The following RSRC1 variants were observed in gnomAD, a reference collection of about 807,000 sequenced individuals.
RSRC1 encodes arginine and serine rich coiled-coil 1, also known as serine/Arginine-related protein 53.
A neutral mutation model predicts 49.1 loss-of-function variants in RSRC1; 39 were observed. The ratio of observed to expected loss-of-function variants is 0.79; its 90% CI spans 0.61 to 1.04. The LOEUF is 1.04. Ranked by LOEUF, RSRC1 falls within the 50% of genes least tolerant of loss-of-function variation. RSRC1 has a pLI of 0.00. For missense variants in RSRC1, 388 were observed against 402.4 expected (o/e 0.96, Z 0.31); for synonymous variants, 143 against 130.8 (o/e 1.09, Z -0.63).
At chr3:158,480,082 T>C (rs1738547597) in intron 7 of RSRC1, among the ~76,000 whole-genome samples, 2 of 151,962 alleles carry the variant, frequency 1.3e-5, no homozygotes, top group Non-Finnish European at 2.9e-5. Flanking sequence ...GAAAACTACA[T>C]GGGGATGAAA....
chr3:158,183,814 G>C (rs1404409899), intron 3 of RSRC1, among the ~76,000 whole-genome samples: 2 of 152,004 alleles, frequency 1.3e-5, no homozygotes, highest in African/African-American at 4.8e-5. Flanking sequence ...TACTCGGGGG[G>C]CTGATGGGGG....
At position 158,191,772 on chromosome 3, in the gene RSRC1, A is replaced by G. The variant is rs1042192962; in HGVS notation, c.321-11300A>G. On this transcript the variant is annotated intron_variant, in intron 3 of 9. Coordinates refer to ENST00000611884, the MANE Select transcript of RSRC1 (RefSeq NM_001271838.2). ...GACAAATAACATCTTAAATTTTAAT[A>G]TAGTTTCTTTGGCTTTTTGTTTGTT... is the stretch of plus-strand genomic sequence containing the variant. 4.6e-5 allele frequency among the ~76,000 whole-genome samples: 7 copies of G among 152,000 alleles called. No individual in the cohort carries two copies. The South Asian group carries it at 6.2e-4, about 14-fold the overall frequency.
intron 5 of RSRC1, among the ~76,000 whole-genome samples, chr3:158,326,964 G>C (rs1240620171): frequency 6.6e-6 from 1 of 152,148 alleles, no homozygotes. Flanking sequence ...TTGGGAGGGT[G>C]TATGTGTCCA....
intron 4 of RSRC1, among the ~76,000 whole-genome samples, chr3:158,205,562 A>T (rs1184646276): frequency 2.6e-5 from 4 of 152,056 alleles, no homozygotes; most frequent in African/African-American, 9.7e-5. Flanking sequence ...AGAAGGGAAG[A>T]TATGCAAGTG....
At chr3:158,138,882 G>T (rs945342263) in intron 3 of RSRC1, among the ~76,000 whole-genome samples, 21 of 152,090 alleles carry the variant, frequency 1.4e-4, no homozygotes, top group African/African-American at 5.1e-4. Context: ...GTAAACTGTT[G>T]TGTGTTTTAT....
At chr3:158,171,651 C>T (rs1192528673) in intron 3 of RSRC1, among the ~76,000 whole-genome samples, 1 of 151,834 alleles carries the variant, frequency 6.6e-6, no homozygotes, top group Admixed American at 6.6e-5. Context: ...AAGGAGTAAA[C>T]CTGAAGATAG....
At chr3:158,465,507 A>G (rs1737839866) in intron 7 of RSRC1, among the ~76,000 whole-genome samples, 1 of 152,104 alleles carries the variant, frequency 6.6e-6, no homozygotes, top group Non-Finnish European at 1.5e-5. Flanking sequence ...AGTTGAAAGG[A>G]GAAGTTAGCA....
At position 158,123,549 on chromosome 3, in the gene RSRC1, C is replaced by T. The variant is rs1020164143; in HGVS notation, c.195-317C>T. Among the ~76,000 whole-genome samples the T allele has an allele frequency of 3.9e-5, 6 of 152,150 alleles. No individual in the cohort carries two copies. In the South Asian group the frequency reaches 1.0e-3, roughly 26 times the overall value. On this transcript the variant is annotated intron_variant, in intron 2 of 9. Coordinates refer to ENST00000611884, the MANE Select transcript of RSRC1 (RefSeq NM_001271838.2). ...TTGGCCTCAAGCGATCCTCCTGCCT[C>T]GGCCTCCCAACATGTTGGGATTACA...
chr3:158,122,340 A>T (rs773367868), intron 2 of RSRC1, 42 bp downstream of exon 2: 1 of 1,257,046 alleles, frequency 8.0e-7, no homozygotes, highest in South Asian at 1.7e-5. Flanking sequence ...TGAGGATAAC[A>T]TTCTTTAAAA....
chr3:158,261,590 A>G (rs575853294), intron 4 of RSRC1, among the ~76,000 whole-genome samples: 22 of 152,336 alleles, frequency 1.4e-4, no homozygotes, highest in African/African-American at 5.1e-4. Context: ...GTTGTGGAGT[A>G]GCAAGCGAAG....
intron 7 of RSRC1, among the ~76,000 whole-genome samples, chr3:158,492,281 C>CAATTCAAAATG (rs1739117533): frequency 6.6e-6 from 1 of 152,214 alleles, no homozygotes; most frequent in Non-Finnish European, 1.5e-5. Flanking sequence ...AAATGAGATT[C>CAATTCAAAATG]AGGTGGGGAC....
At chr3:158,135,850 G>T (rs2108187605) in intron 3 of RSRC1, among the ~76,000 whole-genome samples, 1 of 151,756 alleles carries the variant, frequency 6.6e-6, no homozygotes, top group Admixed American at 6.5e-5. Flanking sequence ...TGAACATGTG[G>T]TGGTTGCCTC....
chr3:158,350,501 G>T (rs1051759509), intron 5 of RSRC1, among the ~76,000 whole-genome samples: 1 of 152,132 alleles, frequency 6.6e-6, no homozygotes, highest in African/African-American at 2.4e-5. Flanking sequence ...TTGTCCTGGA[G>T]ACTAGAGGTT....
At chr3:158,218,208 A>T (rs946748300) in intron 4 of RSRC1, among the ~76,000 whole-genome samples, 8 of 151,642 alleles carry the variant, frequency 5.3e-5, no homozygotes, top group Non-Finnish European at 1.0e-4. Context: ...GATGGGTGAC[A>T]TGATCAGATT....
intron 3 of RSRC1, among the ~76,000 whole-genome samples, chr3:158,129,722 A>G (rs1715890537): frequency 6.6e-6 from 1 of 152,158 alleles, no homozygotes; most frequent in African/African-American, 2.4e-5. Context: ...CTAGTCTTAG[A>G]CAATTTTGAT....
At chr3:158,267,442 T>C (rs1725253872) in intron 4 of RSRC1, among the ~76,000 whole-genome samples, 2 of 152,094 alleles carry the variant, frequency 1.3e-5, no homozygotes, top group Non-Finnish European at 2.9e-5. Context: ...GATATTCTGT[T>C]TGTTCATTTG....
chr3:158,174,604 C>T (rs1027307419), intron 3 of RSRC1, among the ~76,000 whole-genome samples: 4 of 151,936 alleles, frequency 2.6e-5, no homozygotes, highest in Non-Finnish European at 4.4e-5. Context: ...TTGAACTTTA[C>T]ATAAATGCAC....
intron 5 of RSRC1, among the ~76,000 whole-genome samples, chr3:158,346,461 A>C (rs1295305606): frequency 2.6e-5 from 4 of 152,246 alleles, no homozygotes. Context: ...AAACAATCTA[A>C]TAAAAATTGG....
At position 158,112,238 on chromosome 3, in the gene RSRC1, C is replaced by G. The variant is rs187915420; in HGVS notation, c.-3+2015C>G. Among the ~76,000 whole-genome samples the G allele has an allele frequency of 4.2e-3, 644 of 152,350 alleles. 4 individuals carry two copies. Among genetic ancestry groups the G allele is most frequent in the African/African-American group, 0.015 (605 of 41,578 alleles). ...TTATCAGAAAGAACTATCAATGTGT[C>G]TTTCCATTCATTGCACCTTACTGGT... is the stretch of plus-strand genomic sequence containing the variant. On this transcript the variant is annotated intron_variant, in intron 1 of 9. Coordinates refer to ENST00000611884, the MANE Select transcript of RSRC1 (RefSeq NM_001271838.2).
Sources: gnomAD v4.1 joint callset for allele counts (sites outside exome capture counted in the v4.1 genomes callset) on GRCh38, gnomAD v4.1.1 for gene constraint, MANE v1.5 for transcripts, NCBI Gene and HGNC (gene_info 2026-07-23, HGNC 2026-07-21) for gene names.